The following UBR2 variants were observed in gnomAD, a reference collection of about 807,000 sequenced individuals.
The protein encoded by UBR2 is ubiquitin protein ligase E3 component n-recognin 2.
UBR2 carries 92 observed loss-of-function variants against 247.9 expected under a neutral mutation model. That is an observed-to-expected ratio of 0.37 (90% confidence interval 0.31 to 0.44). UBR2 has a LOEUF of 0.44. UBR2 is among the 20% of genes least tolerant of loss of function. The probability of loss-of-function intolerance (pLI) is 1.00; values close to 1 mark genes in which losing one functional copy is unlikely to be tolerated. For synonymous variants in UBR2, 672 were observed against 693.5 expected (o/e 0.97, Z 0.49); for missense variants, 1,613 against 2,112.6 (o/e 0.76, Z 4.64).
intron 44 of UBR2, among the ~76,000 whole-genome samples, chr6:42,687,169 C>G (rs913275748): frequency 6.6e-6 from 1 of 152,144 alleles, no homozygotes; most frequent in South Asian, 2.1e-4. Context: ...GCCGAGATCG[C>G]GCCACTGCAC....
chr6:42,589,801 A>G (rs1334816854), intron 2 of UBR2, among the ~76,000 whole-genome samples: 1 of 152,182 alleles, frequency 6.6e-6, no homozygotes, highest in East Asian at 1.9e-4. Flanking sequence ...ATCATGATCC[A>G]ATGTGTTCTG....
intron 1 of UBR2, 74 bp downstream of exon 1, chr6:42,564,471 C>G: frequency 1.3e-6 from 2 of 1,513,490 alleles, no homozygotes; most frequent in Non-Finnish European, 1.8e-6. Flanking sequence ...GACTCCTGGA[C>G]GTCCTGGAGC....
chr6:42,632,958 C>CTTTTTTTTTTTTTTTTTTCTTT (rs34284200), intron 13 of UBR2, 54 bp downstream of exon 13: 1 of 610,586 alleles, frequency 1.6e-6, no homozygotes, highest in Non-Finnish European at 2.3e-6. Flanking sequence ...TCTCTTTTCT[C>CTTTTTTTTTTTTTTTTTTCTTT]TTTTTTTTTT....
intron 3 of UBR2, among the ~76,000 whole-genome samples, chr6:42,593,548 T>A (rs895992558): frequency 2.6e-5 from 4 of 152,210 alleles, no homozygotes; most frequent in Admixed American, 2.6e-4. Context: ...GTCTACCAAT[T>A]ATTAATTCTG....
chr6:42,688,874 C>T (rs1249199897), intron 45 of UBR2, among the ~76,000 whole-genome samples: 3 of 151,988 alleles, frequency 2.0e-5, no homozygotes, highest in Non-Finnish European at 4.4e-5. Flanking sequence ...AGAGAGAGGA[C>T]AAGCAAGACT....
chr6:42,638,328 G>A (rs1329142586), intron 15 of UBR2, among the ~76,000 whole-genome samples: 1 of 152,018 alleles, frequency 6.6e-6, no homozygotes, highest in Non-Finnish European at 1.5e-5. Flanking sequence ...TGTACATGGG[G>A]TCAGTAGTAA....
chr6:42,634,604 G>A (rs937710684), intron 13 of UBR2, among the ~76,000 whole-genome samples: 34 of 152,130 alleles, frequency 2.2e-4, no homozygotes, highest in African/African-American at 7.5e-4. Context: ...ACAGGTGCAC[G>A]CCACCACACC....
intron 2 of UBR2, among the ~76,000 whole-genome samples, chr6:42,582,608 T>TA (rs1791984468): frequency 6.6e-6 from 1 of 152,192 alleles, no homozygotes; most frequent in Non-Finnish European, 1.5e-5. Context: ...TCCTTACCAA[T>TA]AGGTGATGTT....
intron 7 of UBR2, 98 bp from the exon 8 acceptor site, chr6:42,612,073 G>A (rs1794127114): frequency 5.2e-6 from 6 of 1,155,870 alleles, no homozygotes; most frequent in Non-Finnish European, 7.0e-6. Context: ...CTCCTATGAT[G>A]ATGATAGTGT....
intron 11 of UBR2, 121 bp downstream of exon 11, chr6:42,617,628 C>A: frequency 1.2e-6 from 1 of 801,876 alleles, no homozygotes. Flanking sequence ...GGTAATCAGA[C>A]TTCAAACACC....
intron 20 of UBR2, among the ~76,000 whole-genome samples, 153 bp from the exon 21 acceptor site, chr6:42,645,313 T>C (rs1311279515): frequency 6.6e-6 from 1 of 152,216 alleles, no homozygotes; most frequent in East Asian, 1.9e-4. Context: ...CAGGAGCTGC[T>C]CTCTCCCTGG....
chr6:42,607,695 TCCCACCACTCCCAGCTG>T (rs533346992), intron 7 of UBR2, among the ~76,000 whole-genome samples: 11,677 of 100,258 alleles, frequency 0.12, 963 homozygotes, highest in Non-Finnish European at 0.15. Flanking sequence ...GACAGGCATG[TCCCACCACTCCCAGCTG>T]TTTTTTTTTT....
At chr6:42,664,773 A>T (rs1798016709) in intron 32 of UBR2, among the ~76,000 whole-genome samples, 1 of 152,336 alleles carries the variant, frequency 6.6e-6, no homozygotes, top group Non-Finnish European at 1.5e-5. Context: ...CTGTCACTTT[A>T]TTGGTCCAAT....
chr6:42,678,504 G>T, intron 40 of UBR2, 35 bp from the exon 41 acceptor site: 1 of 1,594,580 alleles, frequency 6.3e-7, no homozygotes. Context: ...CCTTTTCTTA[G>T]TAGATTTCCC....
intron 1 of UBR2, among the ~76,000 whole-genome samples, chr6:42,570,905 C>T (rs1377948894): frequency 6.6e-6 from 1 of 151,538 alleles, no homozygotes; most frequent in East Asian, 1.9e-4. Flanking sequence ...AAGCTAGACT[C>T]GAACCTCTGA....
chr6:42,570,553 G>C (rs184274688), intron 1 of UBR2, among the ~76,000 whole-genome samples: 3 of 152,166 alleles, frequency 2.0e-5, no homozygotes, highest in Non-Finnish European at 4.4e-5. Flanking sequence ...TTTGAAAAAT[G>C]GGGAGCATAT....
intron 2 of UBR2, among the ~76,000 whole-genome samples, chr6:42,591,946 C>T (rs1442687944): frequency 6.6e-6 from 1 of 152,196 alleles, no homozygotes; most frequent in African/African-American, 2.4e-5. Context: ...CTCCCTAGCA[C>T]ACATCCATTA....
intron 11 of UBR2, among the ~76,000 whole-genome samples, chr6:42,624,312 T>C (rs1019369029): frequency 6.7e-6 from 1 of 148,358 alleles, no homozygotes. Flanking sequence ...AATTTTTTTT[T>C]TTTTTTTAGT....
chr6:42,667,326 A>G (rs1187357005), intron 34 of UBR2, among the ~76,000 whole-genome samples: 1 of 150,236 alleles, frequency 6.7e-6, no homozygotes, highest in African/African-American at 2.4e-5. Context: ...ACAGACCAAG[A>G]CCCTATCTCA....
Sources: allele counts gnomAD v4.1 joint callset (sites outside exome capture counted in the v4.1 genomes callset), GRCh38; gene constraint gnomAD v4.1.1; transcripts MANE v1.5; gene names NCBI Gene and HGNC (gene_info 2026-07-23, HGNC 2026-07-21).